Variants in MACROD1 observed in about 807,000 individuals in gnomAD.
The protein encoded by MACROD1 is mono-ADP ribosylhydrolase 1, also known as ADP-ribose glycohydrolase MACROD1.
A neutral mutation model predicts 41.4 loss-of-function variants in MACROD1; 31 were observed. The observed-to-expected ratio is 0.75, with a 90% CI of 0.56 to 1.01. The LOEUF (loss-of-function observed/expected upper bound fraction) is 1.01, where lower values mean the gene tolerates loss of function less well. Ranked by LOEUF, MACROD1 falls within the 50% of genes least tolerant of loss-of-function variation. The probability of loss-of-function intolerance (pLI) is 0.00; values close to 1 mark genes in which losing one functional copy is unlikely to be tolerated. For missense variants in MACROD1, 473 were observed against 460.0 expected (o/e 1.03, Z -0.26); for synonymous variants, 252 against 203.4 (o/e 1.24, Z -2.03).
chr11:64,007,695 C>G (rs1388789289), intron 4 of MACROD1, among the ~76,000 whole-genome samples: 2 of 152,228 alleles, frequency 1.3e-5, no homozygotes, highest in African/African-American at 4.8e-5. Context: ...CCCTTCTATG[C>G]TGAAGCACAG....
At chr11:64,056,840 C>T (rs1416022183) in intron 3 of MACROD1, among the ~76,000 whole-genome samples, 1 of 151,798 alleles carries the variant, frequency 6.6e-6, no homozygotes, top group East Asian at 1.9e-4. Flanking sequence ...GGGATGACCT[C>T]CACTCTGCCT....
At chr11:64,109,977 G>A (rs1319156481) in intron 3 of MACROD1, among the ~76,000 whole-genome samples, 1 of 152,134 alleles carries the variant, frequency 6.6e-6, no homozygotes, top group African/African-American at 2.4e-5. Flanking sequence ...GCAGAGACTT[G>A]GGGCAGCTTT....
chr11:64,102,071 T>C (rs1944680398), intron 3 of MACROD1, among the ~76,000 whole-genome samples: 1 of 152,200 alleles, frequency 6.6e-6, no homozygotes, highest in Admixed American at 6.5e-5. Flanking sequence ...ACAACAAGCA[T>C]TTCTCAAATC....
At chr11:64,159,701 G>A (rs1453990530) in intron 1 of MACROD1, among the ~76,000 whole-genome samples, 3 of 151,618 alleles carry the variant, frequency 2.0e-5, no homozygotes, top group Non-Finnish European at 4.4e-5. Context: ...GGCTGAGGCA[G>A]GATAATTGCC....
At position 64,064,216 on chromosome 11, in the gene MACROD1, A is replaced by T. The variant is rs1943954710; in HGVS notation, c.518-48935T>A. ...CATGAATAAAACATCAGTGTAGGGG[A>T]AAAAAATCCCAAACTGCACAGCCTA... On this transcript the variant is annotated intron_variant, in intron 3 of 10. Coordinates refer to ENST00000255681, the MANE Select transcript of MACROD1 (RefSeq NM_014067.4). The surrounding 1 kb of genome is among the most constrained non-coding windows in gnomAD (Gnocchi z 4.5). Among the ~76,000 whole-genome samples, 1 of 147,858 alleles carries T rather than the reference A, an allele frequency of 6.8e-6. No homozygotes were observed. Among genetic ancestry groups the T allele is most frequent in the Admixed American group, 6.6e-5 (1 of 15,068 alleles).
chr11:64,114,422 GGGATGGTTGAATGGAT>G (rs1203009268), intron 3 of MACROD1, among the ~76,000 whole-genome samples: 3 of 127,742 alleles, frequency 2.3e-5, no homozygotes, highest in Non-Finnish European at 3.3e-5. Flanking sequence ...GATGGATGGA[GGGATGGTTGAATGGAT>G]GGATGGATGG....
intron 3 of MACROD1, among the ~76,000 whole-genome samples, chr11:64,112,349 C>A (rs538215978): frequency 6.6e-6 from 1 of 152,184 alleles, no homozygotes; most frequent in Middle Eastern, 3.4e-3. Flanking sequence ...CCCGTCTCTA[C>A]TAAAAATACA....
chr11:64,007,184 C>T (rs945375750), intron 4 of MACROD1, among the ~76,000 whole-genome samples: 4 of 152,214 alleles, frequency 2.6e-5, no homozygotes, highest in African/African-American at 7.2e-5. Flanking sequence ...TCAAAAAATG[C>T]GTACGAGGGC....
chr11:64,112,329 T>C (rs181024749), intron 3 of MACROD1, among the ~76,000 whole-genome samples: 1 of 152,104 alleles, frequency 6.6e-6, no homozygotes, highest in Admixed American at 6.5e-5. Flanking sequence ...CTGGCCAACA[T>C]GGTGAGACCC....
chr11:64,009,451 C>T (rs539353665), intron 4 of MACROD1, among the ~76,000 whole-genome samples: 1 of 152,274 alleles, frequency 6.6e-6, no homozygotes, highest in South Asian at 2.1e-4. Flanking sequence ...CCTTCGGGAC[C>T]CAAGTCAAAT....
chr11:63,999,080 G>A, intron 8 of MACROD1, 44 bp from the exon 9 acceptor site: 1 of 1,537,730 alleles, frequency 6.5e-7, no homozygotes, highest in South Asian at 1.2e-5. Flanking sequence ...GCCACGCCTG[G>A]CCCCAGGATC....
intron 3 of MACROD1, among the ~76,000 whole-genome samples, chr11:64,058,236 T>A (rs1430508803): frequency 2.0e-5 from 3 of 152,234 alleles, no homozygotes; most frequent in African/African-American, 7.2e-5. Context: ...CTGAGCAGGG[T>A]AACCTGCTCC....
chr11:64,116,832 C>T (rs1316151164), intron 3 of MACROD1: 25 of 1,613,000 alleles, frequency 1.5e-5, no homozygotes, highest in Non-Finnish European at 2.0e-5. Context: ...CCGGAACCAC[C>T]TGAGCAGCAT....
intron 3 of MACROD1, among the ~76,000 whole-genome samples, chr11:64,017,458 G>A (rs1943096556): frequency 6.6e-6 from 1 of 152,142 alleles, no homozygotes. Flanking sequence ...GGAAGAGTCT[G>A]TCTGACTCCA....
intron 1 of MACROD1, among the ~76,000 whole-genome samples, chr11:64,163,244 G>A (rs1320531300): frequency 1.3e-5 from 2 of 152,188 alleles, no homozygotes; most frequent in East Asian, 3.8e-4. Flanking sequence ...AGCAGAGGTT[G>A]CAGTGACATC....
At chr11:64,038,957 G>A (rs1240350523) in intron 3 of MACROD1, among the ~76,000 whole-genome samples, 4 of 152,184 alleles carry the variant, frequency 2.6e-5, no homozygotes, top group African/African-American at 9.7e-5. Flanking sequence ...TGCGTATGAG[G>A]TTTCTAGCAG....
intron 3 of MACROD1, among the ~76,000 whole-genome samples, chr11:64,041,480 G>C (rs79428877): frequency 6.6e-6 from 1 of 152,120 alleles, no homozygotes; most frequent in East Asian, 1.9e-4. Context: ...GCTCAGGGGA[G>C]TGAGGAGGGT....
chr11:64,137,456 C>CTTAA (rs1200841202), intron 3 of MACROD1, among the ~76,000 whole-genome samples: 2 of 152,186 alleles, frequency 1.3e-5, no homozygotes, highest in Admixed American at 6.5e-5. Context: ...TCAGCTGAAA[C>CTTAA]TTAAATTGAC....
At chr11:64,061,191 T>C (rs2134438041) in intron 3 of MACROD1, among the ~76,000 whole-genome samples, 1 of 152,336 alleles carries the variant, frequency 6.6e-6, no homozygotes, top group African/African-American at 2.4e-5. Context: ...TGCCAGTAAA[T>C]AAGTCCCCCG....
Sources: gnomAD v4.1 joint callset for allele counts (sites outside exome capture counted in the v4.1 genomes callset) on GRCh38, gnomAD v4.1.1 for gene constraint, Gnocchi (gnomAD v3.1) non-coding constraint, MANE v1.5 for transcripts, NCBI Gene and HGNC (gene_info 2026-07-23, HGNC 2026-07-21) for gene names.